Variants in VRK2 observed in about 807,000 individuals in gnomAD.
VRK2 encodes the protein VRK serine/threonine kinase 2.
Under a neutral mutation model 57.6 loss-of-function variants are expected in VRK2, and 60 were observed. The observed-to-expected ratio is 1.04, with a 90% confidence interval of 0.85 to 1.29. The LOEUF (loss-of-function observed/expected upper bound fraction) is 1.29. VRK2 is among the 50% of genes most tolerant of loss of function. The pLI is 0.00. For missense variants in VRK2, 705 were observed against 588.1 expected (o/e 1.20, Z -2.06); for synonymous variants, 231 against 199.2 (o/e 1.16, Z -1.35).
intron 9 of VRK2, among the ~76,000 whole-genome samples, chr2:58,132,563 C>G (rs577380318): frequency 6.6e-6 from 1 of 152,174 alleles, no homozygotes; most frequent in Non-Finnish European, 1.5e-5. Context: ...ACTGATCAGG[C>G]CTAAGAAAAA....
At chr2:57,968,047 TAAAC>T (rs1455408067) in intron 1 of VRK2, among the ~76,000 whole-genome samples, 1 of 151,830 alleles carries the variant, frequency 6.6e-6, no homozygotes, top group Non-Finnish European at 1.5e-5. Flanking sequence ...AATTAAATAA[TAAAC>T]AAAGATTAAA....
At chr2:57,925,271 G>C (rs985280737) in intron 1 of VRK2, among the ~76,000 whole-genome samples, 22 of 152,112 alleles carry the variant, frequency 1.4e-4, no homozygotes, top group African/African-American at 4.8e-4. Context: ...AAAATAGTTT[G>C]AGTAATATTG....
intron 7 of VRK2, among the ~76,000 whole-genome samples, chr2:58,116,797 A>C (rs1246263622): frequency 6.6e-6 from 1 of 152,168 alleles, no homozygotes; most frequent in Admixed American, 6.5e-5. Flanking sequence ...GGGGTCCCGC[A>C]CAGATGGGAC....
chr2:58,011,761 G>A (rs546207672), intron 1 of VRK2, among the ~76,000 whole-genome samples: 1 of 152,254 alleles, frequency 6.6e-6, no homozygotes, highest in African/African-American at 2.4e-5. Flanking sequence ...AAATTATAAT[G>A]GTTGAAATCT....
intron 1 of VRK2, among the ~76,000 whole-genome samples, chr2:57,928,757 T>G (rs1402494218): frequency 6.6e-6 from 1 of 152,226 alleles, no homozygotes; most frequent in Non-Finnish European, 1.5e-5. Context: ...CAGCCATATC[T>G]GCATCAGGTG....
At chr2:58,003,619 T>C (rs1008566839) in intron 1 of VRK2, among the ~76,000 whole-genome samples, 7 of 152,274 alleles carry the variant, frequency 4.6e-5, no homozygotes, top group African/African-American at 1.7e-4. Context: ...AAAATTAGTT[T>C]ATCTGAAATT....
intron 11 of VRK2, 42 bp from the exon 12 acceptor site, chr2:58,146,274 A>G: frequency 6.6e-7 from 1 of 1,514,260 alleles, no homozygotes; most frequent in East Asian, 2.4e-5. Context: ...GAGAAATACC[A>G]AAAGTTTTCA....
At chr2:58,076,012 C>G (rs1044549501) in intron 2 of VRK2, among the ~76,000 whole-genome samples, 3 of 151,642 alleles carry the variant, frequency 2.0e-5, no homozygotes, top group African/African-American at 7.3e-5. Flanking sequence ...TTTTCTCCCC[C>G]TTAAGAAGAC....
chr2:57,961,311 G>A (rs988962034), intron 1 of VRK2, among the ~76,000 whole-genome samples: 1 of 152,156 alleles, frequency 6.6e-6, no homozygotes, highest in African/African-American at 2.4e-5. Context: ...CCAGGCAGAA[G>A]CAGCCTATGC....
At chr2:58,009,821 G>C (rs1418721660) in intron 1 of VRK2, among the ~76,000 whole-genome samples, 1 of 151,712 alleles carries the variant, frequency 6.6e-6, no homozygotes, top group Non-Finnish European at 1.5e-5. Context: ...ACTTACATGA[G>C]AGCATACTTT....
chr2:58,128,164 G>A (rs1192082881), intron 8 of VRK2, among the ~76,000 whole-genome samples: 1 of 152,166 alleles, frequency 6.6e-6, no homozygotes, highest in Non-Finnish European at 1.5e-5. Context: ...CTGCAGCTTA[G>A]ATATCCAGAT....
At chr2:57,926,868 T>C (rs1670556028) in intron 1 of VRK2, among the ~76,000 whole-genome samples, 1 of 152,054 alleles carries the variant, frequency 6.6e-6, no homozygotes, top group Admixed American at 6.6e-5. Context: ...AATGTTCTTA[T>C]TTATAAGTAA....
At chr2:57,911,759 G>A (rs1669992978) in intron 1 of VRK2, among the ~76,000 whole-genome samples, 1 of 152,102 alleles carries the variant, frequency 6.6e-6, no homozygotes, top group Non-Finnish European at 1.5e-5. Context: ...ACCGACAAAT[G>A]GACTGAAATC....
chr2:58,053,417 C>T (rs1336017644), intron 2 of VRK2, among the ~76,000 whole-genome samples: 2 of 152,194 alleles, frequency 1.3e-5, no homozygotes, highest in East Asian at 3.9e-4. Context: ...ATCATGTTGT[C>T]GGATTAGCCT....
intron 1 of VRK2, among the ~76,000 whole-genome samples, chr2:57,931,039 C>T (rs1670706867): frequency 6.6e-6 from 1 of 152,072 alleles, no homozygotes; most frequent in Non-Finnish European, 1.5e-5. Context: ...CATGTCCACT[C>T]ATCCATCAAG....
chr2:58,005,918 A>T (rs1372459209), intron 1 of VRK2, among the ~76,000 whole-genome samples: 1 of 152,082 alleles, frequency 6.6e-6, no homozygotes, highest in Non-Finnish European at 1.5e-5. Flanking sequence ...CTCTAAGGGG[A>T]TTGCTGCTGC....
chr2:57,924,588 T>A (rs1670470588), intron 1 of VRK2, among the ~76,000 whole-genome samples: 1 of 151,998 alleles, frequency 6.6e-6, no homozygotes, highest in South Asian at 2.1e-4. Flanking sequence ...CTTTACTGAA[T>A]CTATTAGTTC....
intron 2 of VRK2, among the ~76,000 whole-genome samples, chr2:58,070,492 T>G (rs774294539): frequency 6.6e-6 from 1 of 152,166 alleles, no homozygotes; most frequent in Non-Finnish European, 1.5e-5. Flanking sequence ...CCCCTAAACC[T>G]CAGGCAACCA....
intron 9 of VRK2, among the ~76,000 whole-genome samples, chr2:58,134,537 G>T (rs1419579880): frequency 6.7e-6 from 1 of 150,178 alleles, no homozygotes; most frequent in East Asian, 2.0e-4. Flanking sequence ...CGTGAACCCG[G>T]GAAGCGGAGC....
Sources: allele counts gnomAD v4.1 joint callset (sites outside exome capture counted in the v4.1 genomes callset), GRCh38; gene constraint gnomAD v4.1.1; transcripts MANE v1.5; gene names NCBI Gene and HGNC (gene_info 2026-07-23, HGNC 2026-07-21).